Variants in MS4A7 observed in about 807,000 individuals in gnomAD.
MS4A7 encodes the protein membrane spanning 4-domains A7.
Under a neutral mutation model 23.5 loss-of-function variants are expected in MS4A7, and 21 were observed. That is an observed-to-expected ratio of 0.89 (90% CI 0.63 to 1.29). The LOEUF is 1.29. MS4A7 is among the 50% of genes most tolerant of loss of function. The pLI is 0.00. For synonymous variants in MS4A7, 111 were observed against 107.4 expected (o/e 1.03, Z -0.21); for missense variants, 263 against 274.2 (o/e 0.96, Z 0.29).
At chr11:60,383,896 T>C (rs915188905) in intron 2 of MS4A7, among the ~76,000 whole-genome samples, 1 of 152,236 alleles carries the variant, frequency 6.6e-6, no homozygotes, top group Non-Finnish European at 1.5e-5. Context: ...TTTAACCATA[T>C]GGATTTTACT....
rs1371156790 is a variant in MS4A7, at chr11:60,395,776, C to T, written c.*1915C>T. The T allele has an allele frequency of 6.6e-6, 1 of 151,514 alleles. No homozygotes were observed. The highest frequency in any genetic ancestry group is 1.9e-4 in the East Asian group (1 of 5,192). 9.4% of individuals were successfully genotyped at this position (151,514 alleles called of 1,614,324 possible). On this transcript the variant is annotated 3_prime_UTR_variant, in exon 7 of 7. Transcript: ENST00000300184. ...GAATTGTTAAATGTTCTTAAATGTTCTCACTACAAAAAAAGAAAAAAGATA... is the reference window on the plus strand; with the variant it reads ...GAATTGTTAAATGTTCTTAAATGTTTTCACTACAAAAAAAGAAAAAAGATA...
intron 1 of MS4A7, among the ~76,000 whole-genome samples, chr11:60,380,946 T>C (rs1352088173): frequency 1.3e-5 from 2 of 152,166 alleles, no homozygotes; most frequent in Non-Finnish European, 2.9e-5. Context: ...AAATCTTGCC[T>C]CCACTACCTG....
Position 60,383,501 on chromosome 11 carries a change from T to C in MS4A7, c.147+213T>C, listed in dbSNP as rs147600208. On this transcript the variant is annotated intron_variant, in intron 2 of 6. Transcript: ENST00000300184. ...CACTAGATCTTTTTCACTAGCATGC[T>C]TCACAATTAACAGGTTAGTCTTTCT... is the stretch of plus-strand genomic sequence containing the variant. 714 of 346,862 alleles carry C rather than the reference T, an allele frequency of 2.1e-3. 4 individuals carry two copies. The highest frequency in any genetic ancestry group is 3.3e-3 in the Non-Finnish European group (653 of 195,610). 21.5% of individuals were successfully genotyped at this position (346,862 alleles called of 1,614,324 possible). A position where few individuals can be genotyped will look rare whatever the true frequency, so the allele number is the denominator to read the frequency against.
chr11:60,392,119 G>T (rs1049016895), intron 5 of MS4A7, among the ~76,000 whole-genome samples: 1 of 152,062 alleles, frequency 6.6e-6, no homozygotes, highest in Non-Finnish European at 1.5e-5. Flanking sequence ...ATGGAATTTA[G>T]ATTTGATTAA....
Position 60,392,724 on chromosome 11 carries a change from C to G in MS4A7, c.586C>G (p.Leu196Val), listed in dbSNP as rs2085566581. The G allele has an allele frequency of 6.2e-7, 1 of 1,613,940 alleles. No homozygotes were observed. The highest frequency in any genetic ancestry group is 8.5e-7 in the Non-Finnish European group (1 of 1,179,942). The change falls in exon 6 of 7, where the codon CTC becomes GTC. Residue 196 changes from leucine (L) to valine (V), a missense_variant. Transcript: ENST00000300184. ...VVMLIFTVLELLLAAYSSVFW... is the reference protein window; with the variant it reads ...VVMLIFTVLEVLLAAYSSVFW... ...GATGCTCATCTTCACTGTGCTGGAG[C>G]TCTTATTAGCTGCATACAGTTCTGT...
Position 60,385,171 on chromosome 11 carries a change from A to G in MS4A7, c.231A>G (p.Pro77=), listed in dbSNP as rs1169784707. 1 of 1,614,016 alleles carries G rather than the reference A, an allele frequency of 6.2e-7. No individual in the cohort carries two copies. The highest frequency in any genetic ancestry group is 2.2e-5 in the East Asian group (1 of 44,896). Residue 77 remains proline (P), a synonymous_variant, in exon 3 of 7, where the codon CCA becomes CCG. Transcript: ENST00000300184. ...CTCCCTACCCCTCCCACTTCAATCC[A>G]GCAATTTCCACCACTTTGATGTCTG... ...VFAPYPSHFN[P]AISTTLMSGY...
At chr11:60,384,589 A>G (rs1182845956) in intron 2 of MS4A7, among the ~76,000 whole-genome samples, 1 of 152,264 alleles carries the variant, frequency 6.6e-6, no homozygotes, top group African/African-American at 2.4e-5. Context: ...GAGCAAAAGC[A>G]TGGGCTTTAG....
At position 60,378,659 on chromosome 11, in the gene MS4A7, G is replaced by C. The variant is rs543434230; in HGVS notation, c.-19G>C. On this transcript the variant is annotated 5_prime_UTR_variant, in exon 1 of 7. Transcript: ENST00000300184. ...CACAGCACACAGGACCAGGCTGCGA[G>C]AACAGGTAGACACCTTGGTTTAGAT... 6.6e-6 allele frequency: 1 copy of C among 152,390 alleles called. No individual in the cohort carries two copies. The highest frequency in any genetic ancestry group is 2.1e-4 in the South Asian group (1 of 4,826). 9.4% of individuals were successfully genotyped at this position (152,390 alleles called of 1,614,324 possible).
intron 5 of MS4A7, among the ~76,000 whole-genome samples, chr11:60,392,448 T>G (rs73479174): frequency 0.015 from 2,342 of 152,282 alleles, 81 homozygotes; most frequent in African/African-American, 0.053. Flanking sequence ...CAGAGATAAG[T>G]GGCAGATTAC....
At chr11:60,380,774 T>TATATATCCCTATATTCTCC (rs2085420173) in intron 1 of MS4A7, among the ~76,000 whole-genome samples, 1 of 152,146 alleles carries the variant, frequency 6.6e-6, no homozygotes. Context: ...TTCCCTAAGA[T>TATATATCCCTATATTCTCC]CAGCAATGTC....
chr11:60,389,344 C>A, intron 4 of MS4A7, 46 bp from the exon 5 acceptor site: 1 of 1,493,416 alleles, frequency 6.7e-7, no homozygotes, highest in South Asian at 1.3e-5. Context: ...AATAGTGTCA[C>A]GTGCTGATTC....
In MS4A7 at chr11:60,394,575, C is replaced by T. The variant is rs573421218; in HGVS notation, c.*714C>T. On this transcript the variant is annotated 3_prime_UTR_variant, in exon 7 of 7. Transcript: ENST00000300184. ...CAGCACTTTGGTAGGCCGAGGTGGA[C>T]GGATCACCCGAGGTCAGGAGTTTGA... The T allele has an allele frequency of 7.2e-5, 11 of 153,542 alleles. No individual in the cohort carries two copies. Among genetic ancestry groups the T allele is most frequent in the South Asian group, 6.2e-4 (3 of 4,862 alleles). The allele number at this position is 153,542 out of a possible 1,614,324, so 9.5% of individuals were successfully genotyped here. A position where few individuals can be genotyped will look rare whatever the true frequency, so the allele number is the denominator to read the frequency against.
chr11:60,395,066 CTTTG>C lies in MS4A7; in HGVS notation c.*1210_*1213del, dbSNP rs964680360. On this transcript the variant is annotated 3_prime_UTR_variant, in exon 7 of 7. Coordinates refer to ENST00000300184, the MANE Select transcript of MS4A7 (RefSeq NM_021201.5). ...ATGCTGAAAAGAATAATGTCTATTTCTTTGTTTGGGTATTAGCTCTATTTTGATC... is the reference window on the plus strand; with the variant it reads ...ATGCTGAAAAGAATAATGTCTATTTCTTTGGGTATTAGCTCTATTTTGATC... 15 of 532,700 alleles carry C rather than the reference CTTTG, an allele frequency of 2.8e-5. No individual in the cohort carries two copies. The highest frequency in any genetic ancestry group is 4.4e-5 in the Non-Finnish European group (13 of 293,394). The allele number at this position is 532,700 out of a possible 1,614,324, so 33.0% of individuals were successfully genotyped here.
chr11:60,389,512 T>C lies in MS4A7; in HGVS notation c.462T>C (p.Asp154=). The C allele has an allele frequency of 6.2e-7, 1 of 1,614,134 alleles. No individual in the cohort carries two copies. Among genetic ancestry groups the C allele is most frequent in the Non-Finnish European group, 8.5e-7 (1 of 1,179,962 alleles). Reference sequence around the variant, plus strand: ...CTCAACATTGTGGCTCAGAAATGGATTATCTATCCTCATTGCCTTATTCGG... The same window carrying C: ...CTCAACATTGTGGCTCAGAAATGGACTATCTATCCTCATTGCCTTATTCGG... ...TASQHCGSEM[D]YLSSLPYSEY... Residue 154 remains aspartate (D), a synonymous_variant, in exon 5 of 7, where the codon GAT becomes GAC. Transcript: ENST00000300184.
At position 60,389,377 on chromosome 11, in the gene MS4A7, G is replaced by A; in HGVS notation, c.340-13G>A. ...TTCTGTGATGAGAACCCAATGCAGA[G>A]TTTCTCTTCCAGGACCTGAGCAGCT... is the stretch of plus-strand genomic sequence containing the variant. On this transcript the variant is annotated splice_polypyrimidine_tract_variant and intron_variant, in intron 4 of 6. Coordinates refer to ENST00000300184, the MANE Select transcript of MS4A7 (RefSeq NM_021201.5). 1 of 1,598,920 alleles carries A rather than the reference G, an allele frequency of 6.3e-7. No homozygotes were observed. The highest frequency in any genetic ancestry group is 8.5e-7 in the Non-Finnish European group (1 of 1,172,486).
intron 4 of MS4A7, chr11:60,389,089 T>C: frequency 3.7e-6 from 1 of 272,982 alleles, no homozygotes; most frequent in East Asian, 7.6e-5. Context: ...ATGTTGGCAG[T>C]GACCTGAGCA....
rs575318592 is a variant in MS4A7, at chr11:60,394,777, G to A, written c.*916G>A. 37 of 286,806 alleles carry A rather than the reference G, an allele frequency of 1.3e-4. No homozygotes were observed. Among genetic ancestry groups the A allele is most frequent in the African/African-American group, 4.6e-4 (21 of 45,238 alleles). The allele number at this position is 286,806 out of a possible 1,614,324, so 17.8% of individuals were successfully genotyped here. A position where few individuals can be genotyped will look rare whatever the true frequency, so the allele number is the denominator to read the frequency against. On this transcript the variant is annotated 3_prime_UTR_variant, in exon 7 of 7. Coordinates refer to ENST00000300184, the MANE Select transcript of MS4A7 (RefSeq NM_021201.5). ...AGACTGCACCACTGCATTCCAGCCCGGCCTACAAGAACAAAACTCCATCTC... is the reference window on the plus strand; with the variant it reads ...AGACTGCACCACTGCATTCCAGCCCAGCCTACAAGAACAAAACTCCATCTC...
intron 4 of MS4A7, among the ~76,000 whole-genome samples, 186 bp downstream of exon 4, chr11:60,386,959 T>C (rs535986943): frequency 6.6e-6 from 1 of 152,344 alleles, no homozygotes; most frequent in African/African-American, 2.4e-5. Flanking sequence ...TCTTGCCTTC[T>C]AGACCAGTGC....
At chr11:60,385,284 C>T (rs1590792746) in intron 3 of MS4A7, 62 bp downstream of exon 3, 31 of 1,589,834 alleles carry the variant, frequency 1.9e-5, no homozygotes, top group East Asian at 6.7e-5. Flanking sequence ...GGTGCATAGT[C>T]GTGGAGTGAC....
Sources: gnomAD v4.1 joint callset for allele counts (sites outside exome capture counted in the v4.1 genomes callset) on GRCh38, gnomAD v4.1.1 for gene constraint, MANE v1.5 for transcripts, NCBI Gene and HGNC (gene_info 2026-07-23, HGNC 2026-07-21) for gene names.